Variants in KPNA4 observed in about 807,000 individuals in gnomAD.
KPNA4 encodes the protein karyopherin subunit alpha 4, also known as importin subunit alpha-3.
In KPNA4, 13 loss-of-function variants were observed where a neutral mutation model predicts 71.3. The observed-to-expected ratio is 0.18, with a 90% CI of 0.12 to 0.29. KPNA4 has a LOEUF of 0.29. Among genes scored for constraint, KPNA4 ranks in the 10% least tolerant of loss-of-function variants. The probability of loss-of-function intolerance (pLI) is 1.00; values close to 1 mark genes in which losing one functional copy is unlikely to be tolerated. For missense variants in KPNA4, 334 were observed against 603.2 expected (o/e 0.55, Z 4.67); for synonymous variants, 189 against 195.2 (o/e 0.97, Z 0.26).
intron 16 of KPNA4, among the ~76,000 whole-genome samples, chr3:160,504,644 T>G (rs547373916): frequency 6.6e-6 from 1 of 152,354 alleles, no homozygotes; most frequent in Admixed American, 6.5e-5. Context: ...ATCACTGTTT[T>G]GTTTATAAAT....
At chr3:160,519,465 T>C (rs1015112889) in intron 11 of KPNA4, among the ~76,000 whole-genome samples, 16 of 152,082 alleles carry the variant, frequency 1.1e-4, no homozygotes, top group African/African-American at 3.9e-4. Flanking sequence ...ACATTAAGGT[T>C]TTAAAAAGTC....
rs184208385 is a variant in KPNA4 at position 160,502,671 on chromosome 3, A to T, written c.1468-469T>A. 4.5e-3 allele frequency among the ~76,000 whole-genome samples: 691 copies of T among 152,254 alleles called. 6 individuals are homozygous for T. Among genetic ancestry groups the T allele is most frequent in the Middle Eastern group, 0.014 (4 of 292 alleles). On this transcript the variant is annotated intron_variant, in intron 16 of 16. Transcript: ENST00000334256. ...CAGGTGTGAGCCACAGTGCCTACCCAAGACTTTTTCTTAAGGGATGCCAAA... is the reference window on the plus strand; with the variant it reads ...CAGGTGTGAGCCACAGTGCCTACCCTAGACTTTTTCTTAAGGGATGCCAAA...
intron 1 of KPNA4, among the ~76,000 whole-genome samples, chr3:160,548,096 T>C (rs1577061269): frequency 6.6e-6 from 1 of 152,174 alleles, no homozygotes; most frequent in East Asian, 1.9e-4. Flanking sequence ...ATGTTCAGTT[T>C]TGTACTGCCT....
chr3:160,522,096 G>A (rs1160865881), intron 10 of KPNA4, among the ~76,000 whole-genome samples, 186 bp from the exon 11 acceptor site: 2 of 152,092 alleles, frequency 1.3e-5, no homozygotes, highest in East Asian at 1.9e-4. Context: ...GTACTAAGAC[G>A]TACATCTTTT....
intron 1 of KPNA4, among the ~76,000 whole-genome samples, chr3:160,557,693 A>C (rs1219221539): frequency 1.3e-5 from 2 of 152,226 alleles, no homozygotes; most frequent in Non-Finnish European, 2.9e-5. Context: ...TATCTATCTG[A>C]GATGAGACCT....
At position 160,565,545 on chromosome 3, in the gene KPNA4, G is replaced by A. The variant is rs1009564790; in HGVS notation, c.-263C>T. On this transcript the variant is annotated 5_prime_UTR_variant, in exon 1 of 17. Transcript: ENST00000334256. ...GGCAAGGCGACGGAATGTGCTGCCG[G>A]CTGAGAGGGGGAGGCAGCCTCGATC... 7 of 532,834 alleles carry A rather than the reference G, an allele frequency of 1.3e-5. No homozygotes were observed. Among genetic ancestry groups the A allele is most frequent in the African/African-American group, 4.1e-5 (2 of 49,276 alleles). The allele number at this position is 532,834 out of a possible 1,614,324, so 33.0% of individuals were successfully genotyped here.
Position 160,495,169 on chromosome 3 carries a change from C to T in KPNA4, c.*6935G>A, listed in dbSNP as rs1341179570. ...TGATAGAGCAATGAGTGAACAGATA[C>T]TATAGACTGAAAAATAACCATAAAT... On this transcript the variant is annotated 3_prime_UTR_variant, in exon 17 of 17. Coordinates refer to ENST00000334256, the MANE Select transcript of KPNA4 (RefSeq NM_002268.5). The T allele has an allele frequency of 6.6e-6, 1 of 152,100 alleles. No homozygotes were observed. Among genetic ancestry groups the T allele is most frequent in the African/African-American group, 2.4e-5 (1 of 41,396 alleles). The allele number at this position is 152,100 out of a possible 1,614,324, so 9.4% of individuals were successfully genotyped here.
chr3:160,564,834 G>T (rs1001311603), intron 1 of KPNA4, among the ~76,000 whole-genome samples: 1 of 151,394 alleles, frequency 6.6e-6, no homozygotes, highest in East Asian at 1.9e-4. Flanking sequence ...GCGAGAGCCG[G>T]AATCTCCGCC....
At chr3:160,528,086 A>T (rs1056194179) in intron 7 of KPNA4, 47 bp from the exon 8 acceptor site, 2 of 1,419,932 alleles carry the variant, frequency 1.4e-6, no homozygotes, top group Non-Finnish European at 2.0e-6. Context: ...GATACCATAA[A>T]CCAAAAATCA....
intron 1 of KPNA4, among the ~76,000 whole-genome samples, chr3:160,539,994 TTTTC>T (rs1194758812): frequency 9.7e-4 from 123 of 127,322 alleles, no homozygotes; most frequent in African/African-American, 3.4e-3. Context: ...TTTCTTTTTC[TTTTC>T]TTTTTTTTTT....
At chr3:160,532,965 A>G (rs1477498133) in intron 5 of KPNA4, among the ~76,000 whole-genome samples, 4 of 152,228 alleles carry the variant, frequency 2.6e-5, no homozygotes, top group African/African-American at 9.6e-5. Context: ...TATGTTTTAC[A>G]TAACACCATC....
At position 160,522,002 on chromosome 3, in the gene KPNA4, A is replaced by G. The variant is rs1721358510; in HGVS notation, c.772-92T>C. ...ACAACCATTCTAAAATTGTTCAACT[A>G]CCTTCTTCCTTCTTTTCTTCTCTCA... is the stretch of plus-strand genomic sequence containing the variant. On this transcript the variant is annotated intron_variant, in intron 10 of 16. Transcript: ENST00000334256. 4 of 1,032,834 alleles carry G rather than the reference A, an allele frequency of 3.9e-6. No individual in the cohort carries two copies. In the South Asian group the frequency reaches 6.5e-5, roughly 17 times the overall value. The allele number at this position is 1,032,834 out of a possible 1,614,324, so 64.0% of individuals were successfully genotyped here.
chr3:160,513,875 G>A lies in KPNA4; in HGVS notation c.1137+202C>T, dbSNP rs541689171. On this transcript the variant is annotated intron_variant, in intron 13 of 16. Coordinates refer to ENST00000334256, the MANE Select transcript of KPNA4 (RefSeq NM_002268.5). ...AAGAATGATACACAGAAAGGGCTAG[G>A]ATTTGCCCCCCACCCCCCAAAAAGT... Among the ~76,000 whole-genome samples the A allele has an allele frequency of 3.4e-4, 51 of 152,216 alleles. No homozygotes were observed. In the South Asian group the frequency reaches 7.1e-3, roughly 21 times the overall value.
At chr3:160,530,257 C>A (rs969007430) in intron 7 of KPNA4, among the ~76,000 whole-genome samples, 2 of 151,708 alleles carry the variant, frequency 1.3e-5, no homozygotes, top group African/African-American at 4.8e-5. Flanking sequence ...TCACTTGAGC[C>A]CAGAGTTAGA....
chr3:160,516,510 T>C (rs905760311), intron 11 of KPNA4, among the ~76,000 whole-genome samples: 2 of 151,814 alleles, frequency 1.3e-5, no homozygotes, highest in Middle Eastern at 3.4e-3. Context: ...CTAGGTGCAG[T>C]GGCTCACGCC....
intron 1 of KPNA4, among the ~76,000 whole-genome samples, chr3:160,562,022 G>T (rs375209021): frequency 3.3e-5 from 5 of 152,090 alleles, no homozygotes; most frequent in South Asian, 2.1e-4. Flanking sequence ...CAAAGTTAGA[G>T]ATCAAATTAA....
intron 1 of KPNA4, among the ~76,000 whole-genome samples, chr3:160,541,909 C>T (rs1043537598): frequency 4.6e-5 from 7 of 152,118 alleles, no homozygotes; most frequent in African/African-American, 1.7e-4. Flanking sequence ...GTGCCAAACA[C>T]CATTCTAAAC....
Position 160,499,949 on chromosome 3 carries a change from T to G in KPNA4, c.*2155A>C, listed in dbSNP as rs1317792587. ...GGAGAATGAAGGAAAGTTAAAACCT[T>G]GCTTTGGATAGAGAGAAAACTGAAG... On this transcript the variant is annotated 3_prime_UTR_variant, in exon 17 of 17. Transcript: ENST00000334256. 2.6e-5 allele frequency: 4 copies of G among 152,104 alleles called. No homozygotes were observed. Among genetic ancestry groups the G allele is most frequent in the Non-Finnish European group, 5.9e-5 (4 of 68,002 alleles). 9.4% of individuals were successfully genotyped at this position (152,104 alleles called of 1,614,324 possible). A position where few individuals can be genotyped will look rare whatever the true frequency, so the allele number is the denominator to read the frequency against.
At chr3:160,557,968 C>G (rs1722173702) in intron 1 of KPNA4, among the ~76,000 whole-genome samples, 1 of 152,204 alleles carries the variant, frequency 6.6e-6, no homozygotes, top group South Asian at 2.1e-4. Context: ...AGGCATGAGC[C>G]ACTGTGCCTG....
Sources: gnomAD v4.1 joint callset for allele counts (sites outside exome capture counted in the v4.1 genomes callset) on GRCh38, gnomAD v4.1.1 for gene constraint, MANE v1.5 for transcripts, NCBI Gene and HGNC (gene_info 2026-07-23, HGNC 2026-07-21) for gene names.